Variants in CYP2R1 observed in about 807,000 individuals in gnomAD.
CYP2R1 encodes the protein vitamin D 25-hydroxylase.
CYP2R1 carries 40 observed loss-of-function variants against 45.7 expected under a neutral mutation model. That is an observed-to-expected ratio of 0.87 (90% confidence interval 0.68 to 1.14). CYP2R1 has a LOEUF of 1.14. Among genes scored for constraint, CYP2R1 ranks in the 50% most tolerant of loss-of-function variants. The pLI, the probability that CYP2R1 is intolerant of heterozygous loss-of-function variation, is 0.00. For synonymous variants in CYP2R1, 234 were observed against 219.3 expected, an observed-to-expected ratio of 1.07 and a Z score of -0.59; for missense variants, 605 against 602.6, an observed-to-expected ratio of 1.00 and a Z score of -0.04.
intron 2 of CYP2R1, among the ~76,000 whole-genome samples, chr11:14,884,323 C>A (rs1488372049): frequency 6.6e-6 from 1 of 151,936 alleles, no homozygotes; most frequent in African/African-American, 2.4e-5. Context: ...AAATGTGGCA[C>A]ATATACACCA....
intron 1 of CYP2R1, chr11:14,886,265 GA>G: frequency 4.7e-6 from 1 of 214,442 alleles, no homozygotes; most frequent in East Asian, 1.1e-4. Context: ...TATTGCCATA[GA>G]AAATATATTT....
Position 14,879,110 on chromosome 11 carries a change from T to C in CYP2R1, c.1330+4A>G. 6.2e-7 allele frequency: 1 copy of C among 1,612,222 alleles called. No homozygotes were observed. Among genetic ancestry groups the C allele is most frequent in the Non-Finnish European group, 8.5e-7 (1 of 1,178,650 alleles). ...AAAGTTACGCCCCGTGAAAGTTCTC[T>C]TACCTAGGGAAAAAGGAACCAAAGC... On this transcript the variant is annotated splice_donor_region_variant and intron_variant, in intron 4 of 4. Transcript: ENST00000334636.
chr11:14,892,370 A>G (rs1565191854), upstream of CYP2R1: 2 of 666,524 alleles, frequency 3.0e-6, no homozygotes, highest in East Asian at 5.4e-5. Flanking sequence ...ACTACCTTCT[A>G]GTTTTGCGCG....
chr11:14,890,443 C>T (rs1324522228), intron 1 of CYP2R1: 3 of 981,374 alleles, frequency 3.1e-6, no homozygotes, highest in East Asian at 2.3e-4. Context: ...TTTATTATCT[C>T]GTCCAGCTTC....
At chr11:14,887,983 T>A (rs782791357) in intron 1 of CYP2R1, among the ~76,000 whole-genome samples, 27 of 152,246 alleles carry the variant, frequency 1.8e-4, no homozygotes, top group Admixed American at 1.3e-4. Flanking sequence ...TGGCATTCTC[T>A]TGCTTTATGG....
intron 1 of CYP2R1, 90 bp from the exon 2 acceptor site, chr11:14,886,007 TC>T (rs781844096): frequency 2.3e-6 from 3 of 1,310,506 alleles, no homozygotes; most frequent in South Asian, 1.2e-5. Context: ...GTGCGGCTCT[TC>T]CAGGATTTGT....
Position 14,880,137 on chromosome 11 carries a change from T to C in CYP2R1, c.999A>G (p.Gln333=). The C allele has an allele frequency of 6.2e-7, 1 of 1,612,532 alleles. No individual in the cohort carries two copies. The highest frequency in any genetic ancestry group is 8.5e-7 in the Non-Finnish European group (1 of 1,179,062). The change falls in exon 3 of 5, where the codon CAA becomes CAG. Residue 333 remains glutamine, a splice_region_variant and synonymous_variant. Transcript: ENST00000334636. ...ILFMALYPNI[Q]GQVQKEIDLI... Reference sequence around the variant, plus strand: ...TGAGATCATCAAGAGAATCCTCACCTTGAATATTAGGATAAAGGGCCATGA... The same window carrying C: ...TGAGATCATCAAGAGAATCCTCACCCTGAATATTAGGATAAAGGGCCATGA...
intron 2 of CYP2R1, among the ~76,000 whole-genome samples, chr11:14,884,317 G>A (rs1187432121): frequency 6.6e-5 from 10 of 152,010 alleles, no homozygotes; most frequent in Non-Finnish European, 4.4e-5. Context: ...TGAAGAAAAT[G>A]TGGCACATAT....
chr11:14,891,804 G>A (rs981994983), intron 1 of CYP2R1, 177 bp downstream of exon 1: 6 of 1,415,208 alleles, frequency 4.2e-6, no homozygotes, highest in African/African-American at 1.5e-5. Context: ...AGGGGGCACG[G>A]CGTCGAGGAC....
chr11:14,892,242 T>C, upstream of CYP2R1: 2 of 1,585,282 alleles, frequency 1.3e-6, no homozygotes, highest in Non-Finnish European at 1.7e-6. Flanking sequence ...ACAGCAGCCC[T>C]GAGACCCAGG....
At chr11:14,879,997 G>A in intron 3 of CYP2R1, 139 bp downstream of exon 3, 1 of 813,756 alleles carries the variant, frequency 1.2e-6, no homozygotes. Flanking sequence ...ACTCTTTTTT[G>A]TAACTATTAA....
intron 1 of CYP2R1, among the ~76,000 whole-genome samples, chr11:14,889,617 G>A (rs1413732807): frequency 6.6e-6 from 1 of 152,068 alleles, no homozygotes; most frequent in Non-Finnish European, 1.5e-5. Flanking sequence ...AAAGAACCAT[G>A]GTTCCCTCAA....
Position 14,892,152 on chromosome 11 carries a change from G to T in CYP2R1, c.54C>A (p.Leu18=). Residue 18 remains leucine, a synonymous_variant, in exon 1 of 5, where the codon CTC becomes CTA. Transcript: ENST00000334636. The part of the protein sequence containing the change: ...EEGAAALGGA[L]FLLLFALGVR... ...CCCCTAGCGCGAAGAGCAGCAGGAA[G>T]AGCGCGCCGCCGAGCGCCGCCGCGC... The T allele has an allele frequency of 6.2e-7, 1 of 1,611,102 alleles. No homozygotes were observed. The highest frequency in any genetic ancestry group is 8.5e-7 in the Non-Finnish European group (1 of 1,179,754).
chr11:14,884,700 AAATT>A (rs1848541170), intron 2 of CYP2R1, among the ~76,000 whole-genome samples: 1 of 152,024 alleles, frequency 6.6e-6, no homozygotes, highest in Non-Finnish European at 1.5e-5. Flanking sequence ...AAAAAAATAA[AAATT>A]AAAAAAAGAA....
At position 14,891,976 on chromosome 11, in the gene CYP2R1, T is replaced by A. The variant is rs1020476046; in HGVS notation, c.225+5A>T. ...CTCCCTGCCCGGGGCCCGTCGGGGC[T>A]GTACCTCTCCGTACACCTGGCTCTG... On this transcript the variant is annotated splice_donor_5th_base_variant and intron_variant, in intron 1 of 4. Coordinates refer to ENST00000334636, the MANE Select transcript of CYP2R1 (RefSeq NM_024514.5). The A allele has an allele frequency of 1.2e-6, 2 of 1,612,862 alleles. No homozygotes were observed. Among genetic ancestry groups the A allele is most frequent in the South Asian group, 1.1e-5 (1 of 91,000 alleles).
chr11:14,892,395 T>G, upstream of CYP2R1: 1 of 624,906 alleles, frequency 1.6e-6, no homozygotes, highest in Admixed American at 2.9e-5. Flanking sequence ...AGAGTGGACT[T>G]TGCGGAGCGG....
rs903179615 is a variant in CYP2R1, at chr11:14,885,884, C to T, written c.259G>A (p.Val87Met). 1.9e-6 allele frequency: 3 copies of T among 1,613,440 alleles called. No homozygotes were observed. Among genetic ancestry groups the T allele is most frequent in the Non-Finnish European group, 2.5e-6 (3 of 1,179,692 alleles). The change falls in exon 2 of 5, where the codon GTG becomes ATG. Residue 87 changes from valine (V) to methionine (M), a missense_variant. Val to Met is a conservative substitution (Grantham distance 21, BLOSUM62 1). Coordinates refer to ENST00000334636, the MANE Select transcript of CYP2R1 (RefSeq NM_024514.5). ...FSLDLGGIST[V>M]VLNGYDVVKE... ...ACTACATCATAGCCATTTAGAACCACAGTTGATATGCCTCCAAGATCTAAA... is the reference window on the plus strand; with the variant it reads ...ACTACATCATAGCCATTTAGAACCATAGTTGATATGCCTCCAAGATCTAAA...
rs202199452 is a variant in CYP2R1 at position 14,880,709 on chromosome 11, T to A, written c.427A>T (p.Ser143Cys). Residue 143 changes from serine to cysteine, a missense_variant, in exon 3 of 5, where the codon AGT becomes TGT. Physicochemically the swap from Ser to Cys is moderately radical, Grantham distance 112 (BLOSUM62 -1). Coordinates refer to ENST00000334636, the MANE Select transcript of CYP2R1 (RefSeq NM_024514.5). ...WVDHRRLAVN[S>C]FRYFGYGQKS... is the part of the protein sequence containing the mutation. ...TGGCCATATCCAAAATATCGAAAACTGTTTACAGCTAATCGTCTGTGATCA... is the reference window on the plus strand; with the variant it reads ...TGGCCATATCCAAAATATCGAAAACAGTTTACAGCTAATCGTCTGTGATCA... 1.9e-5 allele frequency: 31 copies of A among 1,597,796 alleles called. No homozygotes were observed. In the Middle Eastern group the frequency reaches 8.4e-4, roughly 44 times the overall value.
chr11:14,889,185 AGC>A (rs2134094078), intron 1 of CYP2R1, among the ~76,000 whole-genome samples: 1 of 144,052 alleles, frequency 6.9e-6, no homozygotes, highest in African/African-American at 2.5e-5. Context: ...TTTTTCTGTG[AGC>A]ATACATCTCA....
Sources: gnomAD v4.1 joint callset for allele counts (sites outside exome capture counted in the v4.1 genomes callset) on GRCh38, gnomAD v4.1.1 for gene constraint, MANE v1.5 for transcripts, NCBI Gene and HGNC (gene_info 2026-07-23, HGNC 2026-07-21) for gene names.